Variants in PCYT1B observed in about 807,000 individuals in gnomAD.
PCYT1B encodes the protein phosphate cytidylyltransferase 1B, choline, also known as choline-phosphate cytidylyltransferase B.
A neutral mutation model predicts 26.4 loss-of-function variants in PCYT1B; 10 were observed. That is an observed-to-expected ratio of 0.38 (90% CI 0.23 to 0.64). The LOEUF is 0.64. PCYT1B is among the 30% of genes least tolerant of loss of function. The pLI is 0.56. For missense variants in PCYT1B, 161 were observed against 292.7 expected, an observed-to-expected ratio of 0.55 and a Z score of 3.28; for synonymous variants, 131 against 108.4, an observed-to-expected ratio of 1.21 and a Z score of -1.29.
intron 7 of PCYT1B, among the ~76,000 whole-genome samples, chrX:24,564,177 G>A (rs1483485069): frequency 3.8e-5 from 3 of 78,013 alleles, no homozygotes; most frequent in Non-Finnish European, 8.3e-5. Flanking sequence ...GTGAGACTCC[G>A]TCTCAAGAGA....
intron 1 of PCYT1B, among the ~76,000 whole-genome samples, chrX:24,653,311 C>T (rs1405966317): frequency 9.0e-6 from 1 of 111,292 alleles, no homozygotes; most frequent in African/African-American, 3.3e-5. Flanking sequence ...ACACCTGACC[C>T]ACTGTCAACT....
chrX:24,604,079 G>A (rs995668118), intron 3 of PCYT1B, among the ~76,000 whole-genome samples: 2 of 83,729 alleles, frequency 2.4e-5, no homozygotes, highest in African/African-American at 9.5e-5. Flanking sequence ...TGAAATACAG[G>A]ATGTCACTGA....
In PCYT1B at chrX:24,635,094, T is replaced by C. The variant is rs777282513; in HGVS notation, c.117+11895A>G. ...AGAACATGAAGATAAACCTCTATGA[T>C]TTTTCCATGTTTAATGTTTCAATGT... is the stretch of plus-strand genomic sequence containing the variant. On this transcript the variant is annotated intron_variant, in intron 1 of 7. Transcript: ENST00000379144. 1.2e-4 allele frequency among the ~76,000 whole-genome samples: 13 copies of C among 112,472 alleles called. No individual in the cohort carries two copies. In the South Asian group the frequency reaches 4.7e-3, roughly 41 times the overall value.
At chrX:24,571,160 T>C (rs1471260499) in intron 7 of PCYT1B, among the ~76,000 whole-genome samples, 3 of 111,479 alleles carry the variant, frequency 2.7e-5, no homozygotes. Flanking sequence ...GGTCAGGAGT[T>C]TGAGACCAGC....
chrX:24,591,756 G>T (rs1053774202), intron 3 of PCYT1B, among the ~76,000 whole-genome samples: 2 of 111,677 alleles, frequency 1.8e-5, no homozygotes, highest in African/African-American at 6.5e-5. Flanking sequence ...TACAATATGT[G>T]TTTAATTTAA....
intron 1 of PCYT1B, among the ~76,000 whole-genome samples, chrX:24,660,777 G>A (rs1251191368): frequency 9.1e-6 from 1 of 110,174 alleles, no homozygotes; most frequent in Non-Finnish European, 1.9e-5. Flanking sequence ...CCCTTGCTTT[G>A]AGAAGATATT....
In PCYT1B at chrX:24,559,317, C is replaced by CAAAAAAAAAAAAAAGAAAAAAAAAAAAA. The variant is rs1923292588; in HGVS notation, c.*2975_*2976insTTTTTTTTTTTTTCTTTTTTTTTTTTTT. ...GAGCAACAAGAGCAAAACTCCATCT[C>CAAAAAAAAAAAAAAGAAAAAAAAAAAAA]AAAAAAAAAAAAAAAGAAAGAAAGA... On this transcript the variant is annotated 3_prime_UTR_variant, in exon 8 of 8. Transcript: ENST00000379144. 1.6e-5 allele frequency: 1 copy of CAAAAAAAAAAAAAAGAAAAAAAAAAAAA among 62,579 alleles called. No homozygotes were observed. The highest frequency in any genetic ancestry group is 3.0e-5 in the Non-Finnish European group (1 of 33,690). 5.2% of individuals were successfully genotyped at this position (62,579 alleles called of 1,213,427 possible).
chrX:24,629,591 C>CAAAAAAA (rs1330878773), intron 1 of PCYT1B, among the ~76,000 whole-genome samples: 1 of 67,108 alleles, frequency 1.5e-5, no homozygotes, highest in Admixed American at 2.0e-4. Flanking sequence ...AAAAAAAAAA[C>CAAAAAAA]AACACGTATT....
intron 7 of PCYT1B, among the ~76,000 whole-genome samples, chrX:24,571,923 G>A (rs1923841148): frequency 9.0e-6 from 1 of 111,119 alleles, no homozygotes; most frequent in South Asian, 3.8e-4. Flanking sequence ...ACTCCAGCCT[G>A]GGCAACAGAG....
chrX:24,608,641 T>A lies in PCYT1B; in HGVS notation c.218-780A>T, dbSNP rs1435281500. Among the ~76,000 whole-genome samples, 3 of 111,308 alleles carry A rather than the reference T, an allele frequency of 2.7e-5. No homozygotes were observed. The Admixed American group carries it at 2.9e-4, about 11-fold the overall frequency. On this transcript the variant is annotated intron_variant, in intron 2 of 7. Transcript: ENST00000379144. ...AAAAGTGAAGAGGTCACACAGACAG[T>A]GGCATCTAGTGCTCTAAAAAGTGCT...
intron 7 of PCYT1B, among the ~76,000 whole-genome samples, chrX:24,572,449 A>G (rs1305219519): frequency 9.0e-6 from 1 of 111,587 alleles, no homozygotes; most frequent in Non-Finnish European, 1.9e-5. Context: ...TATGCTGCAT[A>G]CCTATCTCAT....
intron 2 of PCYT1B, among the ~76,000 whole-genome samples, chrX:24,611,132 A>G (rs1032648310): frequency 1.8e-5 from 2 of 111,651 alleles, no homozygotes; most frequent in Non-Finnish European, 3.8e-5. Flanking sequence ...TTTTGTTTCA[A>G]ATCATTCAAG....
chrX:24,585,834 T>C (rs1283368773), intron 5 of PCYT1B, among the ~76,000 whole-genome samples: 2 of 111,030 alleles, frequency 1.8e-5, no homozygotes, highest in African/African-American at 6.6e-5. Context: ...AGTTTAGTTA[T>C]GGAAACCACT....
At chrX:24,651,494 T>A (rs1214435060), upstream of PCYT1B, among the ~76,000 whole-genome samples, 34 of 79,635 alleles carry the variant, frequency 4.3e-4, 4 homozygotes, top group South Asian at 7.0e-4. Context: ...TATATATATA[T>A]ATATATATAT....
At chrX:24,650,089 T>A (rs1926731597), upstream of PCYT1B, 1 of 111,917 alleles carries the variant, frequency 8.9e-6, no homozygotes, top group South Asian at 3.7e-4. Flanking sequence ...ATCCACCCAC[T>A]TTGGAGACCA....
intron 1 of PCYT1B, among the ~76,000 whole-genome samples, chrX:24,671,934 T>C (rs904409419): frequency 2.7e-5 from 3 of 112,201 alleles, no homozygotes; most frequent in African/African-American, 9.7e-5. Flanking sequence ...CAGAAATGGA[T>C]TGTCTTCACT....
intron 7 of PCYT1B, among the ~76,000 whole-genome samples, chrX:24,563,089 G>A (rs1437740521): frequency 9.0e-6 from 1 of 111,062 alleles, no homozygotes; most frequent in Non-Finnish European, 1.9e-5. Flanking sequence ...AAATTTAACT[G>A]AGTGTCTCTG....
intron 1 of PCYT1B, among the ~76,000 whole-genome samples, chrX:24,639,849 C>A (rs1050507134): frequency 3.6e-5 from 4 of 110,757 alleles, no homozygotes; most frequent in Non-Finnish European, 7.5e-5. Flanking sequence ...TGGAGCCCAA[C>A]CTGTCCAGCC....
At chrX:24,572,961 TACAC>T (rs1227476565) in intron 7 of PCYT1B, among the ~76,000 whole-genome samples, 1 of 103,954 alleles carries the variant, frequency 9.6e-6, no homozygotes, top group African/African-American at 3.5e-5. Context: ...TATACACACA[TACAC>T]ACACATATAT....
Sources: allele counts gnomAD v4.1 joint callset (sites outside exome capture counted in the v4.1 genomes callset), GRCh38; gene constraint gnomAD v4.1.1; transcripts MANE v1.5; gene names NCBI Gene and HGNC (gene_info 2026-07-23, HGNC 2026-07-21).